The following RERE variants were observed in gnomAD, a reference collection of about 807,000 sequenced individuals.
RERE encodes the protein arginine-glutamic acid dipeptide repeats protein.
In RERE, 40 loss-of-function variants were observed where a neutral mutation model predicts 146.1. The observed-to-expected ratio is 0.27, with a 90% CI of 0.21 to 0.36. The LOEUF (loss-of-function observed/expected upper bound fraction) is 0.36. RERE is among the 10% of genes least tolerant of loss of function. RERE has a pLI of 1.00. For missense variants in RERE, 1,933 were observed against 2,138.7 expected, an observed-to-expected ratio of 0.90 and a Z score of 1.90; for synonymous variants, 1,003 against 866.0, an observed-to-expected ratio of 1.16 and a Z score of -2.78.
intron 1 of RERE, among the ~76,000 whole-genome samples, chr1:8,813,334 A>T (rs1472450019): frequency 2.0e-5 from 3 of 152,232 alleles, no homozygotes; most frequent in Non-Finnish European, 2.9e-5. Context: ...TGCCAAAAGT[A>T]GCTTAGTAGG....
intron 3 of RERE, among the ~76,000 whole-genome samples, chr1:8,621,769 C>T (rs1646918402): frequency 6.6e-6 from 1 of 152,162 alleles, no homozygotes. Flanking sequence ...TAAAATCTTG[C>T]AGAGAAACAA....
intron 7 of RERE, among the ~76,000 whole-genome samples, chr1:8,510,248 A>G (rs1645316506): frequency 6.6e-6 from 1 of 152,172 alleles, no homozygotes; most frequent in African/African-American, 2.4e-5. Context: ...ACACAGTACA[A>G]AAATGTGAAG....
intron 1 of RERE, among the ~76,000 whole-genome samples, chr1:8,691,314 G>C (rs1391241385): frequency 1.3e-5 from 2 of 152,128 alleles, no homozygotes; most frequent in Non-Finnish European, 2.9e-5. Context: ...GGTACTAAGA[G>C]CTAAGAAAAG....
rs1641628938 is a variant in RERE at position 8,362,626 on chromosome 1, C to G, written c.1902+57G>C. 7 of 1,609,372 alleles carry G rather than the reference C, an allele frequency of 4.3e-6. No homozygotes were observed. The South Asian group carries it at 7.7e-5, about 18-fold the overall frequency. On this transcript the variant is annotated intron_variant, in intron 16 of 22. Coordinates refer to ENST00000400908, the MANE Select transcript of RERE (RefSeq NM_001042681.2). ...GGAGCTGATCACGAATACCAGCAAA[C>G]CAGTTTTAATGTGAGGGAGGGACAG...
intron 12 of RERE, among the ~76,000 whole-genome samples, chr1:8,366,562 C>T (rs1641810493): frequency 6.6e-6 from 1 of 152,144 alleles, no homozygotes; most frequent in African/African-American, 2.4e-5. Context: ...GAAACTGCTC[C>T]ACAGCCTCCA....
chr1:8,754,351 G>A (rs1361455861), intron 1 of RERE, among the ~76,000 whole-genome samples: 1 of 152,034 alleles, frequency 6.6e-6, no homozygotes, highest in Non-Finnish European at 1.5e-5. Context: ...AGTCAAATCA[G>A]GCAATTCTGC....
At chr1:8,750,429 C>A in intron 1 of RERE, 1 of 798,534 alleles carries the variant, frequency 1.3e-6, no homozygotes. Context: ...CCGGCTGGAA[C>A]CATGGAGGGT....
intron 1 of RERE, among the ~76,000 whole-genome samples, chr1:8,791,751 C>T (rs867155123): frequency 7.9e-5 from 12 of 152,198 alleles, no homozygotes; most frequent in African/African-American, 2.7e-4. Context: ...AGCTCCTGGA[C>T]ACCCACAGGA....
At chr1:8,392,591 C>T (rs1642919707) in intron 12 of RERE, among the ~76,000 whole-genome samples, 1 of 152,154 alleles carries the variant, frequency 6.6e-6, no homozygotes, top group African/African-American at 2.4e-5. Context: ...GTATCTACCC[C>T]CACCCCTCCA....
At chr1:8,378,485 T>TC in intron 12 of RERE, among the ~76,000 whole-genome samples, 1 of 152,274 alleles carries the variant, frequency 6.6e-6, no homozygotes, top group East Asian at 1.9e-4. Context: ...GACAGGCTCT[T>TC]CCAAGAGGTG....
At chr1:8,530,379 G>T (rs1171608880) in intron 7 of RERE, among the ~76,000 whole-genome samples, 6 of 152,088 alleles carry the variant, frequency 3.9e-5, no homozygotes, top group Non-Finnish European at 7.4e-5. Flanking sequence ...TCTATCAAAG[G>T]TAAGTAAAAG....
chr1:8,682,712 G>C (rs776064677), intron 1 of RERE, among the ~76,000 whole-genome samples: 1 of 152,118 alleles, frequency 6.6e-6, no homozygotes, highest in African/African-American at 2.4e-5. Context: ...ATGTAATAAT[G>C]TTTAACAAGA....
At chr1:8,651,794 T>C (rs1166566068) in intron 2 of RERE, among the ~76,000 whole-genome samples, 1 of 151,978 alleles carries the variant, frequency 6.6e-6, no homozygotes, top group Non-Finnish European at 1.5e-5. Flanking sequence ...GGGAATCTAA[T>C]CACAGTACTC....
intron 11 of RERE, among the ~76,000 whole-genome samples, chr1:8,464,109 A>G (rs751057358): frequency 2.0e-5 from 3 of 152,236 alleles, no homozygotes; most frequent in Non-Finnish European, 2.9e-5. Flanking sequence ...AAAATGTTTA[A>G]GATGTTTCTT....
chr1:8,621,055 T>C (rs1210751538), intron 3 of RERE, among the ~76,000 whole-genome samples: 1 of 151,958 alleles, frequency 6.6e-6, no homozygotes, highest in Admixed American at 6.6e-5. Flanking sequence ...GGTGTCCCTA[T>C]GTGTTTTGAT....
intron 2 of RERE, among the ~76,000 whole-genome samples, chr1:8,626,475 A>G (rs1646974657): frequency 6.6e-6 from 1 of 152,186 alleles, no homozygotes; most frequent in Non-Finnish European, 1.5e-5. Context: ...GTTCCCCTTG[A>G]TCAAAAACTG....
intron 1 of RERE, among the ~76,000 whole-genome samples, chr1:8,666,662 T>C (rs10864361): frequency 0.66 from 101,105 of 152,192 alleles, 34,460 homozygotes; most frequent in East Asian, 0.83. Flanking sequence ...TAACCTGATG[T>C]AGAGAATACT....
chr1:8,366,102 C>G, intron 12 of RERE, 128 bp from the exon 13 acceptor site: 1 of 996,184 alleles, frequency 1.0e-6, no homozygotes, highest in Admixed American at 2.5e-5. Flanking sequence ...AGACCAGTCG[C>G]TCCTGGAGTT....
At chr1:8,434,562 A>G (rs561821955) in intron 11 of RERE, 1 of 152,350 alleles carries the variant, frequency 6.6e-6, no homozygotes, top group Admixed American at 6.5e-5. Flanking sequence ...ACACTCCTTC[A>G]TTGACAGGTG....
Sources: allele counts gnomAD v4.1 joint callset (sites outside exome capture counted in the v4.1 genomes callset), GRCh38; gene constraint gnomAD v4.1.1; transcripts MANE v1.5; gene names NCBI Gene and HGNC (gene_info 2026-07-23, HGNC 2026-07-21).